PTPRC: variants seen among roughly 807,000 people sequenced by gnomAD.
PTPRC encodes the protein receptor-type tyrosine-protein phosphatase C.
In PTPRC, 44 loss-of-function variants were observed where a neutral mutation model predicts 155.9. The observed-to-expected ratio is 0.28, with a 90% CI of 0.22 to 0.36. The LOEUF (loss-of-function observed/expected upper bound fraction) is 0.36, where lower values mean the gene tolerates loss of function less well. Ranked by LOEUF, PTPRC falls within the 10% of genes least tolerant of loss-of-function variation. The pLI is 1.00. For missense variants in PTPRC, 1,401 were observed against 1,564.6 expected (o/e 0.90, Z 1.76); for synonymous variants, 525 against 533.1 (o/e 0.98, Z 0.21).
intron 29 of PTPRC, 100 bp from the exon 30 acceptor site, chr1:198,752,149 A>G: frequency 7.5e-7 from 1 of 1,338,622 alleles, no homozygotes; most frequent in Non-Finnish European, 1.1e-6. Context: ...ATTTAATAGA[A>G]AAGAGGCACA....
chr1:198,677,819 CA>C (rs1418124753), intron 2 of PTPRC, among the ~76,000 whole-genome samples: 2 of 152,026 alleles, frequency 1.3e-5, no homozygotes, highest in East Asian at 1.9e-4. Context: ...GCTCTAAAAA[CA>C]AGGAGACTAA....
chr1:198,755,358 T>C (rs1440069241), intron 32 of PTPRC, among the ~76,000 whole-genome samples: 1 of 151,894 alleles, frequency 6.6e-6, no homozygotes, highest in Non-Finnish European at 1.5e-5. Flanking sequence ...TTTAATCATG[T>C]ATGATATTGA....
At chr1:198,695,562 A>G (rs1666163559) in intron 3 of PTPRC, among the ~76,000 whole-genome samples, 1 of 151,978 alleles carries the variant, frequency 6.6e-6, no homozygotes, top group African/African-American at 2.4e-5. Flanking sequence ...AGAGCATTAA[A>G]AAAACTTTAA....
At chr1:198,714,370 A>T (rs760640371) in intron 12 of PTPRC, among the ~76,000 whole-genome samples, 28 of 151,876 alleles carry the variant, frequency 1.8e-4, no homozygotes, top group Non-Finnish European at 4.0e-4. Flanking sequence ...CTGTATTTGC[A>T]TAATTAGGGT....
At chr1:198,665,492 A>G (rs1220054043) in intron 2 of PTPRC, among the ~76,000 whole-genome samples, 3 of 152,066 alleles carry the variant, frequency 2.0e-5, no homozygotes, top group Non-Finnish European at 2.9e-5. Flanking sequence ...AGATGGTGAA[A>G]AACTAGAACA....
intron 2 of PTPRC, among the ~76,000 whole-genome samples, chr1:198,666,235 T>G (rs1664297324): frequency 8.5e-6 from 1 of 117,764 alleles, no homozygotes; most frequent in African/African-American, 3.2e-5. Flanking sequence ...AGCAAGACCC[T>G]GTCTCAAAAA....
intron 2 of PTPRC, among the ~76,000 whole-genome samples, chr1:198,642,859 G>A (rs972978585): frequency 5.3e-5 from 8 of 151,514 alleles, no homozygotes; most frequent in Non-Finnish European, 1.2e-4. Context: ...TGATCTGGGG[G>A]CTAGGCCTGG....
At chr1:198,703,087 T>G (rs1666542649) in intron 6 of PTPRC, among the ~76,000 whole-genome samples, 1 of 152,208 alleles carries the variant, frequency 6.6e-6, no homozygotes. Flanking sequence ...GAATGAATAG[T>G]TTTCCCTCAA....
intron 14 of PTPRC, among the ~76,000 whole-genome samples, chr1:198,720,491 G>A (rs1284564493): frequency 1.3e-5 from 2 of 151,906 alleles, no homozygotes; most frequent in Non-Finnish European, 2.9e-5. Context: ...CACCATGCCT[G>A]GCTAATTTTT....
In PTPRC at chr1:198,757,129, T is replaced by C. The variant is rs575027438; in HGVS notation, c.*948T>C. 6.6e-5 allele frequency: 10 copies of C among 152,012 alleles called. No individual in the cohort carries two copies. Among genetic ancestry groups the C allele is most frequent in the African/African-American group, 2.4e-4 (10 of 41,542 alleles). The allele number at this position is 152,012 out of a possible 1,614,324, so 9.4% of individuals were successfully genotyped here. On this transcript the variant is annotated 3_prime_UTR_variant, in exon 33 of 33. Transcript: ENST00000442510. ...GAATTTTTCATTGATATGAAAAATA[T>C]GATATTGCATATGCATAGTTCCCAT... is the stretch of plus-strand genomic sequence containing the variant.
In PTPRC at chr1:198,732,306, C is replaced by T; in HGVS notation, c.1981C>T (p.Pro661Ser). Residue 661 changes from proline (P) to serine (S), a missense_variant, in exon 19 of 33, where the codon CCG (proline) becomes TCG (serine). Pro to Ser is a moderately conservative substitution (Grantham distance 74). Around this residue, in one of 3 missense-constraint regions of PTPRC, gnomAD observed 867 missense variants for 970.4 expected, o/e 0.89. Transcript: ENST00000442510. Reference sequence around the variant, plus strand: ...AAATCGTTGTTTCTTTCAGAGCATCCCGCGGGTGTTCAGCAAGTTTCCTAT... The same window carrying T: ...AAATCGTTGTTTCTTTCAGAGCATCTCGCGGGTGTTCAGCAAGTTTCCTAT... Reference protein sequence around the residue: ...RLFLAEFQSIPRVFSKFPIKE... With the variant: ...RLFLAEFQSISRVFSKFPIKE... 1 of 1,611,702 alleles carries T rather than the reference C, an allele frequency of 6.2e-7. No individual in the cohort carries two copies. The highest frequency in any genetic ancestry group is 8.5e-7 in the Non-Finnish European group (1 of 1,178,432).
At chr1:198,692,555 AC>A in intron 3 of PTPRC, 182 bp downstream of exon 3, 2 of 1,071,750 alleles carry the variant, frequency 1.9e-6, no homozygotes, top group African/African-American at 3.3e-5. Flanking sequence ...GAGTTTAATA[AC>A]TACCTAAACA....
chr1:198,655,763 A>T (rs1051690638), intron 2 of PTPRC, among the ~76,000 whole-genome samples: 2 of 152,122 alleles, frequency 1.3e-5, no homozygotes, highest in Admixed American at 6.6e-5. Context: ...TAGACACAGC[A>T]GCACATTTAC....
chr1:198,676,801 C>T (rs1286919092), intron 2 of PTPRC, among the ~76,000 whole-genome samples: 1 of 152,154 alleles, frequency 6.6e-6, no homozygotes, highest in Non-Finnish European at 1.5e-5. Context: ...AAGGGGCACA[C>T]TAAATACTGT....
At chr1:198,681,384 T>A (rs1326279) in intron 2 of PTPRC, among the ~76,000 whole-genome samples, 63,297 of 152,052 alleles carry the variant, frequency 0.42, 14,653 homozygotes, top group African/African-American at 0.62. Context: ...ATTATCTTTC[T>A]TGAGACTATC....
At chr1:198,727,095 A>C (rs978803076) in intron 15 of PTPRC, among the ~76,000 whole-genome samples, 1 of 151,996 alleles carries the variant, frequency 6.6e-6, no homozygotes, top group Non-Finnish European at 1.5e-5. Context: ...TCCTGGCCTC[A>C]AGTGATCCAC....
intron 3 of PTPRC, chr1:198,694,366 C>A: frequency 9.7e-7 from 1 of 1,030,662 alleles, no homozygotes; most frequent in East Asian, 3.3e-5. Context: ...AGTCCACTGA[C>A]TCAAATGTTA....
Position 198,749,565 on chromosome 1 carries a change from G to A in PTPRC, c.3072+16G>A, listed in dbSNP as rs747700727. ...TTTTATAATGGTAGGTACTTAAATT[G>A]CCAAAACCCAAGATCCAAACATTTT... On this transcript the variant is annotated intron_variant, in intron 28 of 32. Transcript: ENST00000442510. The A allele has an allele frequency of 1.9e-6, 3 of 1,608,312 alleles. No individual in the cohort carries two copies. Among genetic ancestry groups the A allele is most frequent in the African/African-American group, 1.3e-5 (1 of 74,730 alleles).
intron 2 of PTPRC, among the ~76,000 whole-genome samples, chr1:198,657,080 T>C (rs1270936271): frequency 3.3e-5 from 5 of 151,470 alleles, no homozygotes; most frequent in Non-Finnish European, 7.4e-5. Context: ...ACACACACTG[T>C]ATGTATTCCT....
Sources: allele counts gnomAD v4.1 joint callset (sites outside exome capture counted in the v4.1 genomes callset), GRCh38; gene constraint gnomAD v4.1.1; regional missense constraint gnomAD v4.1.1; transcripts MANE v1.5; gene names NCBI Gene and HGNC (gene_info 2026-07-23, HGNC 2026-07-21).